The following SLC24A5 variants were observed in gnomAD, a reference collection of about 807,000 sequenced individuals.
SLC24A5 encodes the protein sodium/potassium/calcium exchanger 5.
SLC24A5 carries 46 observed loss-of-function variants against 51.6 expected under a neutral mutation model. The ratio of observed to expected loss-of-function variants is 0.89; its 90% confidence interval spans 0.70 to 1.14. The LOEUF (loss-of-function observed/expected upper bound fraction) is 1.14. Ranked by LOEUF, SLC24A5 falls within the 50% of genes most tolerant of loss-of-function variation. The pLI is 0.00. For missense variants in SLC24A5, 581 were observed against 604.1 expected (o/e 0.96, Z 0.40); for synonymous variants, 230 against 214.9 (o/e 1.07, Z -0.62).
At chr15:48,127,697 C>T (rs777272698) in intron 2 of SLC24A5, among the ~76,000 whole-genome samples, 89 of 152,104 alleles carry the variant, frequency 5.9e-4, no homozygotes, top group Non-Finnish European at 1.0e-3. Flanking sequence ...AGGCACCTGG[C>T]CTGTAATCCC....
chr15:48,126,378 A>G (rs1266533566), intron 2 of SLC24A5, among the ~76,000 whole-genome samples: 1 of 152,180 alleles, frequency 6.6e-6, no homozygotes, highest in Non-Finnish European at 1.5e-5. Flanking sequence ...CTACAGGAAA[A>G]GAAGCTAATA....
chr15:48,136,871 G>A lies in SLC24A5; in HGVS notation c.779G>A (p.Arg260Gln), dbSNP rs556950130. The A allele has an allele frequency of 1.6e-5, 26 of 1,613,778 alleles. No homozygotes were observed. Among genetic ancestry groups the A allele is most frequent in the African/African-American group, 2.7e-5 (2 of 75,000 alleles). The change falls in exon 6 of 9, where the codon CGG becomes CAG. Residue 260 changes from arginine to glutamine, a missense_variant. Transcript: ENST00000341459. ...GATGAAGGTCAACCATTCATTCGTC[G>A]GCAATCAAGAACTGATAGTGGAATA... ...WEDEGQPFIR[R>Q]QSRTDSGIFY...
At chr15:48,122,089 A>T (rs2038685424) in intron 2 of SLC24A5, 53 bp downstream of exon 2, 1 of 1,566,724 alleles carries the variant, frequency 6.4e-7, no homozygotes, top group Admixed American at 1.7e-5. Context: ...TGCCACACAG[A>T]TATGACTGTC....
intron 2 of SLC24A5, among the ~76,000 whole-genome samples, chr15:48,127,601 C>G (rs879589510): frequency 6.6e-6 from 1 of 151,934 alleles, no homozygotes; most frequent in Non-Finnish European, 1.5e-5. Context: ...GGTGGATTAC[C>G]TGAGCCCAGG....
chr15:48,128,479 G>C (rs988619659), intron 2 of SLC24A5, among the ~76,000 whole-genome samples: 1 of 152,030 alleles, frequency 6.6e-6, no homozygotes, highest in Non-Finnish European at 1.5e-5. Flanking sequence ...TTACATTTCA[G>C]ACATAGGCAA....
intron 1 of SLC24A5, 103 bp from the exon 2 acceptor site, chr15:48,121,754 C>T: frequency 1.7e-6 from 2 of 1,200,910 alleles, no homozygotes; most frequent in Non-Finnish European, 2.4e-6. Flanking sequence ...CTTAAAATTC[C>T]ACCCGGTTAC....
Position 48,139,081 on chromosome 15 carries a change from G to A in SLC24A5, c.984G>A (p.Lys328=). 1 of 1,613,018 alleles carries A rather than the reference G, an allele frequency of 6.2e-7. No homozygotes were observed. Among genetic ancestry groups the A allele is most frequent in the Non-Finnish European group, 8.5e-7 (1 of 1,179,320 alleles). Residue 328 remains lysine (K), a synonymous_variant, in exon 7 of 9, where the codon AAG becomes AAA. Coordinates refer to ENST00000341459, the MANE Select transcript of SLC24A5 (RefSeq NM_205850.3). ...LFLTTPDCRK[K]FWKNYFVITF... The stretch of plus-strand genomic sequence containing the variant: ...TAACCACACCAGATTGTAGAAAAAA[G>A]TTTTGGAAAAACTACTTTGTGATAA...
At chr15:48,122,357 C>T in intron 2 of SLC24A5, 1 of 443,582 alleles carries the variant, frequency 2.3e-6, no homozygotes, top group Non-Finnish European at 3.9e-6. Flanking sequence ...TTTGTGTGCG[C>T]TCCTAATACA....
intron 2 of SLC24A5, among the ~76,000 whole-genome samples, chr15:48,127,556 C>T (rs904420515): frequency 6.6e-6 from 1 of 152,104 alleles, no homozygotes; most frequent in African/African-American, 2.4e-5. Context: ...CAGTGGCTTA[C>T]ACCTGTAATC....
Position 48,142,157 on chromosome 15 carries a change from G to C in SLC24A5, c.1309G>C (p.Gly437Arg). Residue 437 changes from glycine to arginine, a missense_variant, in exon 9 of 9, where the codon GGA becomes CGA. Physicochemically the swap from Gly to Arg is moderately radical, Grantham distance 125 (BLOSUM62 -2). Coordinates refer to ENST00000341459, the MANE Select transcript of SLC24A5 (RefSeq NM_205850.3). ...GSAPAEVNSRGLTYITISLNI... is the reference protein window; with the variant it reads ...GSAPAEVNSRRLTYITISLNI... ...AGCTCCTGCAGAAGTAAACAGCAGA[G>C]GACTAACTTACATAACCATCTCTCT... is the stretch of plus-strand genomic sequence containing the variant. The C allele has an allele frequency of 1.2e-6, 2 of 1,613,798 alleles. No individual in the cohort carries two copies. The highest frequency in any genetic ancestry group is 1.7e-6 in the Non-Finnish European group (2 of 1,179,878).
chr15:48,129,469 G>A (rs911187686), intron 2 of SLC24A5, among the ~76,000 whole-genome samples: 5 of 151,954 alleles, frequency 3.3e-5, no homozygotes, highest in Non-Finnish European at 7.4e-5. Flanking sequence ...ACTAGAGTTG[G>A]GTCTGATAGA....
rs1302274898 is a variant in SLC24A5 at position 48,141,217 on chromosome 15, A to T, written c.1180+3A>T. On this transcript the variant is annotated splice_donor_region_variant and intron_variant, in intron 8 of 8. Transcript: ENST00000341459. ...AAGTGTGTTGGTTGCAAGAAAAGGT[A>T]AGAACTAGGTCCCTCAAGCTGCAAT... is the stretch of plus-strand genomic sequence containing the variant. 1 of 1,604,390 alleles carries T rather than the reference A, an allele frequency of 6.2e-7. No homozygotes were observed. Among genetic ancestry groups the T allele is most frequent in the Non-Finnish European group, 8.5e-7 (1 of 1,171,402 alleles).
rs776969433 is a variant in SLC24A5 at position 48,139,032 on chromosome 15, T to G, written c.935T>G (p.Leu312Arg). The change falls in exon 7 of 9, where the codon CTT (leucine) becomes CGT (arginine). Residue 312 changes from leucine to arginine, a missense_variant. Transcript: ENST00000341459. Reference protein sequence around the residue: ...DLKRIFWVLSLPIITLLFLTT... With the variant: ...DLKRIFWVLSRPIITLLFLTT... ...AAAAGAATTTTTTGGGTATTATCCC[T>G]TCCTATTATTACATTACTTTTTCTA... 2 of 1,613,172 alleles carry G rather than the reference T, an allele frequency of 1.2e-6. No individual in the cohort carries two copies. Among genetic ancestry groups the G allele is most frequent in the South Asian group, 1.1e-5 (1 of 91,032 alleles).
chr15:48,132,125 T>C (rs1567222939), intron 2 of SLC24A5, among the ~76,000 whole-genome samples: 3 of 152,158 alleles, frequency 2.0e-5, no homozygotes, highest in Non-Finnish European at 4.4e-5. Flanking sequence ...CTTGACACTC[T>C]TCATTCTAGA....
chr15:48,121,753 C>A, intron 1 of SLC24A5, 104 bp from the exon 2 acceptor site: 1 of 1,199,430 alleles, frequency 8.3e-7, no homozygotes, highest in Non-Finnish European at 1.2e-6. Flanking sequence ...CCTTAAAATT[C>A]CACCCGGTTA....
intron 2 of SLC24A5, among the ~76,000 whole-genome samples, chr15:48,131,445 T>C (rs2140720302): frequency 1.3e-5 from 2 of 152,156 alleles, no homozygotes; most frequent in South Asian, 4.1e-4. Context: ...TGGGGGTTAA[T>C]CCTTTCCTAG....
chr15:48,126,318 T>C (rs903363369), intron 2 of SLC24A5, among the ~76,000 whole-genome samples: 4 of 152,212 alleles, frequency 2.6e-5, no homozygotes, highest in African/African-American at 9.6e-5. Context: ...AAAATGCTGT[T>C]GCTATGCCCC....
rs2038688196 is a variant in SLC24A5 at position 48,122,313 on chromosome 15, A to G, written c.301+277A>G. 1.6e-5 allele frequency: 9 copies of G among 571,802 alleles called. No homozygotes were observed. In the East Asian group the frequency reaches 2.2e-4, roughly 14 times the overall value. 35.4% of individuals were successfully genotyped at this position (571,802 alleles called of 1,614,324 possible). On this transcript the variant is annotated intron_variant, in intron 2 of 8. Coordinates refer to ENST00000341459, the MANE Select transcript of SLC24A5 (RefSeq NM_205850.3). ...TTTGTCTACTGCCTGGATGTTTGTT[A>G]TAAGAACTGTTCCAAGATTTCACTT...
At chr15:48,123,754 T>C (rs1443154238) in intron 2 of SLC24A5, 1 of 152,148 alleles carries the variant, frequency 6.6e-6, no homozygotes, top group African/African-American at 2.4e-5. Context: ...TCTTATGATA[T>C]ATATTTGCAA....
Sources: gnomAD v4.1 joint callset for allele counts (sites outside exome capture counted in the v4.1 genomes callset) on GRCh38, gnomAD v4.1.1 for gene constraint, MANE v1.5 for transcripts, NCBI Gene and HGNC (gene_info 2026-07-23, HGNC 2026-07-21) for gene names.